The following TTLL10 variants were observed in gnomAD, a reference collection of about 807,000 sequenced individuals.
TTLL10 encodes the protein inactive polyglycylase TTLL10.
In TTLL10, 61 loss-of-function variants were observed where a neutral mutation model predicts 69.0. That is an observed-to-expected ratio of 0.88 (90% CI 0.72 to 1.09). The LOEUF (loss-of-function observed/expected upper bound fraction) is 1.09. Ranked by LOEUF, TTLL10 falls within the 50% of genes least tolerant of loss-of-function variation. The pLI is 0.00. For synonymous variants in TTLL10, 408 were observed against 393.3 expected, an observed-to-expected ratio of 1.04 and a Z score of -0.44; for missense variants, 962 against 945.9, an observed-to-expected ratio of 1.02 and a Z score of -0.22.
At position 1,179,657 on chromosome 1, in the gene TTLL10, G is replaced by C; in HGVS notation, c.119G>C (p.Gly40Ala). 7.1e-6 allele frequency: 11 copies of C among 1,550,914 alleles called. No individual in the cohort carries two copies. The highest frequency in any genetic ancestry group is 9.6e-6 in the Non-Finnish European group (11 of 1,146,838). Residue 40 changes from glycine (G) to alanine (A), a missense_variant and splice_region_variant, in exon 5 of 16, where the codon GGG (glycine) becomes GCG (alanine). Physicochemically the swap from Gly to Ala is moderately conservative, Grantham distance 60 (BLOSUM62 0). Transcript: ENST00000379289. ...IQQRPRARVS[G>A]TIPASRLHPA... Reference sequence around the variant, plus strand: ...GGACATTGTGACCCCTGCCCTCCAGGGACCATCCCTGCGTCACGTCTGCAC... The same window carrying C: ...GGACATTGTGACCCCTGCCCTCCAGCGACCATCCCTGCGTCACGTCTGCAC...
chr1:1,176,761 G>A (rs547223930), intron 3 of TTLL10, among the ~76,000 whole-genome samples: 6 of 152,318 alleles, frequency 3.9e-5, no homozygotes, highest in East Asian at 3.9e-4. Flanking sequence ...CCTGCTGTGC[G>A]GCACCTCGGA....
chr1:1,188,142 A>G (rs1286842651), intron 13 of TTLL10, among the ~76,000 whole-genome samples: 2 of 150,342 alleles, frequency 1.3e-5, no homozygotes, highest in Admixed American at 6.6e-5. Context: ...GCATAGTATC[A>G]AAAACCAATT....
rs141341297 is a variant in TTLL10 at position 1,182,977 on chromosome 1, C to A, written c.1018C>A (p.Arg340=). Residue 340 remains arginine (R), a synonymous_variant, in exon 11 of 16, where the codon CGG becomes AGG. Transcript: ENST00000379289. ...AGTTGCCGCCCTGCAGGCCAAGACC[C>A]GGAGCATGGAGGACGACCCCATCCA... ...EEVAALQAKT[R]SMEDDPIHHK... is the part of the protein sequence containing the mutation. The A allele has an allele frequency of 3.0e-5, 49 of 1,608,524 alleles. No homozygotes were observed. The South Asian group carries it at 5.3e-4, about 18-fold the overall frequency.
chr1:1,193,944 G>A (rs1372918683), intron 13 of TTLL10, among the ~76,000 whole-genome samples: 1 of 152,000 alleles, frequency 6.6e-6, no homozygotes, highest in Non-Finnish European at 1.5e-5. Context: ...GATCATATGA[G>A]GCCAGGCATT....
At chr1:1,192,067 C>A (rs1647835601) in intron 13 of TTLL10, among the ~76,000 whole-genome samples, 1 of 152,202 alleles carries the variant, frequency 6.6e-6, no homozygotes, top group Admixed American at 6.5e-5. Flanking sequence ...AGTCTTGGGG[C>A]CAGTTTATGG....
intron 4 of TTLL10, 111 bp from the exon 5 acceptor site, chr1:1,179,546 C>T: frequency 6.7e-7 from 1 of 1,499,442 alleles, no homozygotes; most frequent in Non-Finnish European, 9.0e-7. Flanking sequence ...GCCCAGGGTT[C>T]CGCCTGGCTG....
rs757361695 is a variant in TTLL10 at position 1,197,628 on chromosome 1, G to A, written c.1803G>A (p.Pro601=). ...RQAKSSGPPM[P]HAPDQPGARR... is the part of the protein sequence containing the mutation. ...CCAAGTCCTCCGGGCCACCCATGCCGCATGCCCCAGACCAGCCGGGCGCCC... is the reference window on the plus strand; with the variant it reads ...CCAAGTCCTCCGGGCCACCCATGCCACATGCCCCAGACCAGCCGGGCGCCC... Residue 601 remains proline (P), a synonymous_variant, in exon 16 of 16, where the codon CCG becomes CCA. Transcript: ENST00000379289. 149 of 1,513,926 alleles carry A rather than the reference G, an allele frequency of 9.8e-5. No homozygotes were observed. The highest frequency in any genetic ancestry group is 7.1e-5 in the African/African-American group (5 of 70,346). 93.8% of individuals were successfully genotyped at this position (1,513,926 alleles called of 1,614,324 possible).
In TTLL10 at chr1:1,197,842, C is replaced by A. The variant is rs1406545856; in HGVS notation, c.2017C>A (p.Pro673Thr). Residue 673 changes from proline to threonine, a missense_variant, in exon 16 of 16, where the codon CCC becomes ACC. By Grantham distance (38) the Pro-to-Thr change is conservative (BLOSUM62 -1). Transcript: ENST00000379289. ...ACGCGAGGAGCCTGAGAACGCGAGG[C>A]CCTAGGGGCAGCCACCCGCGCCCAG... is the stretch of plus-strand genomic sequence containing the variant. ...EEREEPENAR[P>T] 12 of 1,479,060 alleles carry A rather than the reference C, an allele frequency of 8.1e-6. No homozygotes were observed. Among genetic ancestry groups the A allele is most frequent in the Non-Finnish European group, 1.1e-5 (12 of 1,113,570 alleles). 91.6% of individuals were successfully genotyped at this position (1,479,060 alleles called of 1,614,324 possible). A position where few individuals can be genotyped will look rare whatever the true frequency, so the allele number is the denominator to read the frequency against.
At chr1:1,184,173 G>C (rs1165060880) in intron 12 of TTLL10, 82 bp downstream of exon 12, 6 of 1,570,930 alleles carry the variant, frequency 3.8e-6, no homozygotes, top group Non-Finnish European at 5.2e-6. Context: ...GGGGTGCAGA[G>C]GGGGTGCAGC....
In TTLL10 at chr1:1,181,174, C is replaced by T. The variant is rs1647056870; in HGVS notation, c.755+314C>T. ...CCTCGTGGCTGAACGGGGAAGATCC[C>T]ACACGTCCCCAACCCACTGGGCCTG... On this transcript the variant is annotated intron_variant, in intron 8 of 15. Coordinates refer to ENST00000379289, the MANE Select transcript of TTLL10 (RefSeq NM_001130045.2). This position sits in a 1 kb window ranked among gnomAD's most constrained non-coding sequence, Gnocchi z 4.6. Among the ~76,000 whole-genome samples the T allele has an allele frequency of 6.6e-6, 1 of 151,636 alleles. No individual in the cohort carries two copies. The highest frequency in any genetic ancestry group is 2.4e-5 in the African/African-American group (1 of 41,188).
chr1:1,174,385 G>T (rs72892302), intron 2 of TTLL10, 39 bp from the exon 3 acceptor site: 1 of 152,666 alleles, frequency 6.6e-6, no homozygotes, highest in Non-Finnish European at 1.5e-5. Flanking sequence ...CTCGCAGCAG[G>T]ACACTAACAT....
rs766250891 is a variant in TTLL10 at position 1,183,946 on chromosome 1, A to G, written c.1115A>G (p.Asp372Gly). 32 of 1,614,010 alleles carry G rather than the reference A, an allele frequency of 2.0e-5. No individual in the cohort carries two copies. The highest frequency in any genetic ancestry group is 8.0e-5 in the African/African-American group (6 of 74,908). ...TACATCCAGAACCCGCTGCTGGTGG[A>G]CGGGAGAAAGTTTGACGTGCGCTCC... The part of the protein sequence containing the change: ...QRYIQNPLLV[D>G]GRKFDVRSYL... The change falls in exon 12 of 16, where the codon GAC (aspartate) becomes GGC (glycine). Residue 372 changes from aspartate to glycine, a missense_variant. Transcript: ENST00000379289.
In TTLL10 at chr1:1,197,867, G is replaced by C; in HGVS notation, c.*20G>C. 1.4e-6 allele frequency: 2 copies of C among 1,399,860 alleles called. No individual in the cohort carries two copies. The highest frequency in any genetic ancestry group is 3.2e-5 in the South Asian group (2 of 63,022). 86.7% of individuals were successfully genotyped at this position (1,399,860 alleles called of 1,614,324 possible). A position where few individuals can be genotyped will look rare whatever the true frequency, so the allele number is the denominator to read the frequency against. On this transcript the variant is annotated 3_prime_UTR_variant, in exon 16 of 16. Transcript: ENST00000379289. ...CCCTAGGGGCAGCCACCCGCGCCCA[G>C]CGCCCCGCGCCCCGCGCCCCAGCCG...
At position 1,185,829 on chromosome 1, in the gene TTLL10, C is replaced by T. The variant is rs1010179299; in HGVS notation, c.1401+720C>T. The T allele has an allele frequency of 1.0e-5, 10 of 985,160 alleles. No individual in the cohort carries two copies. Among genetic ancestry groups the T allele is most frequent in the East Asian group, 1.1e-4 (1 of 8,828 alleles). 61.0% of individuals were successfully genotyped at this position (985,160 alleles called of 1,614,324 possible). A position where few individuals can be genotyped will look rare whatever the true frequency, so the allele number is the denominator to read the frequency against. Reference sequence around the variant, plus strand: ...CATCTCCCAAACTCTCTCTTAATTGCGATAATTCACAGAACATAAAATTCA... The same window carrying T: ...CATCTCCCAAACTCTCTCTTAATTGTGATAATTCACAGAACATAAAATTCA... On this transcript the variant is annotated intron_variant, in intron 13 of 15. Coordinates refer to ENST00000379289, the MANE Select transcript of TTLL10 (RefSeq NM_001130045.2). This position sits in a 1 kb window ranked among gnomAD's most constrained non-coding sequence, Gnocchi z 6.1.
In TTLL10 at chr1:1,179,479, G is replaced by A. The variant is rs1646973994; in HGVS notation, c.118+146G>A. 4.7e-6 allele frequency: 6 copies of A among 1,269,502 alleles called. No homozygotes were observed. In the South Asian group the frequency reaches 5.5e-5, roughly 12 times the overall value. The allele number at this position is 1,269,502 out of a possible 1,614,324, so 78.6% of individuals were successfully genotyped here. ...GCCATGCCCCGCTGCTCCGAGAGAG[G>A]GGCCAGCTGTGGGCGCCGGGCTCTG... On this transcript the variant is annotated intron_variant, in intron 4 of 15. Transcript: ENST00000379289.
intron 13 of TTLL10, among the ~76,000 whole-genome samples, chr1:1,191,876 C>T (rs886472242): frequency 2.0e-5 from 3 of 152,408 alleles, no homozygotes; most frequent in East Asian, 1.9e-4. Flanking sequence ...ATCAGGAACA[C>T]GCCCTTAAGA....
At chr1:1,179,910 A>G (rs1341937499) in intron 5 of TTLL10, 124 bp from the exon 6 acceptor site, 17 of 1,437,528 alleles carry the variant, frequency 1.2e-5, no homozygotes, top group Non-Finnish European at 1.4e-5. Flanking sequence ...CTTGAGCCCC[A>G]GACGGGCCAG....
chr1:1,196,682 T>C lies in TTLL10; in HGVS notation c.1484T>C (p.Ile495Thr), dbSNP rs766551292. The change falls in exon 14 of 16, where the codon ATT becomes ACT. Residue 495 changes from isoleucine (I) to threonine (T), a missense_variant. Physicochemically the swap from Ile to Thr is moderately conservative, Grantham distance 89. Coordinates refer to ENST00000379289, the MANE Select transcript of TTLL10 (RefSeq NM_001130045.2). ...LDCKLGYFDL[I>T]GCDFLIDDNF... Reference sequence around the variant, plus strand: ...TGCAAGCTGGGTTACTTTGACCTCATTGGCTGTGACTTCCTGATTGATGAC... The same window carrying C: ...TGCAAGCTGGGTTACTTTGACCTCACTGGCTGTGACTTCCTGATTGATGAC... The C allele has an allele frequency of 1.2e-5, 18 of 1,551,966 alleles. No individual in the cohort carries two copies. Among genetic ancestry groups the C allele is most frequent in the Middle Eastern group, 1.7e-4 (1 of 6,014 alleles).
rs759919176 is a variant in TTLL10 at position 1,180,268 on chromosome 1, G to A, written c.434G>A (p.Gly145Asp). 1.1e-4 allele frequency: 176 copies of A among 1,598,698 alleles called. No individual in the cohort carries two copies. The highest frequency in any genetic ancestry group is 1.5e-4 in the Non-Finnish European group (171 of 1,173,896). The change falls in exon 6 of 16, where the codon GGT becomes GAT. Residue 145 changes from glycine (G) to aspartate (D), a missense_variant. Coordinates refer to ENST00000379289, the MANE Select transcript of TTLL10 (RefSeq NM_001130045.2). The stretch of plus-strand genomic sequence containing the variant: ...CTCCTGGAGGGGCTCCTGCTGGGGG[G>A]TGGGAAGCCATCGCCCCACAGCACC... ...AALLEGLLLG[G>D]GKPSPHSTRP...
Sources: allele counts gnomAD v4.1 joint callset (sites outside exome capture counted in the v4.1 genomes callset), GRCh38; gene constraint gnomAD v4.1.1; non-coding constraint Gnocchi (gnomAD v3.1); transcripts MANE v1.5; gene names NCBI Gene and HGNC (gene_info 2026-07-23, HGNC 2026-07-21).